The following CADM1 variants were observed in gnomAD, a reference collection of about 807,000 sequenced individuals.
CADM1 encodes the protein cell adhesion molecule 1, also known as TSLC-1.
CADM1 carries 15 observed loss-of-function variants against 53.1 expected under a neutral mutation model. The observed-to-expected ratio is 0.28, with a 90% CI of 0.19 to 0.44. The LOEUF is 0.44. CADM1 is among the 20% of genes least tolerant of loss of function. CADM1 has a pLI of 1.00. For synonymous variants in CADM1, 281 were observed against 243.0 expected (o/e 1.16, Z -1.45); for missense variants, 434 against 611.3 (o/e 0.71, Z 3.06).
At chr11:115,199,084 T>C (rs1330402642) in intron 8 of CADM1, among the ~76,000 whole-genome samples, 3 of 152,186 alleles carry the variant, frequency 2.0e-5, no homozygotes, top group Non-Finnish European at 4.4e-5. Flanking sequence ...TTCAAGGTTT[T>C]CACAGATTAG....
intron 1 of CADM1, among the ~76,000 whole-genome samples, chr11:115,492,957 A>ACC (rs1440459367): frequency 6.6e-6 from 1 of 151,448 alleles, no homozygotes; most frequent in African/African-American, 2.4e-5. Flanking sequence ...ACACACACAC[A>ACC]CACACCCTTG....
intron 1 of CADM1, among the ~76,000 whole-genome samples, chr11:115,275,660 T>C (rs1201028838): frequency 6.6e-6 from 1 of 152,168 alleles, no homozygotes; most frequent in Non-Finnish European, 1.5e-5. Flanking sequence ...ATAAAGGTGT[T>C]TTTAAGAGAT....
At chr11:115,307,916 A>C (rs1944420705) in intron 1 of CADM1, among the ~76,000 whole-genome samples, 1 of 151,852 alleles carries the variant, frequency 6.6e-6, no homozygotes, top group Non-Finnish European at 1.5e-5. Context: ...TTTAAAATCC[A>C]CAACTTCAGT....
At chr11:115,430,292 T>C (rs1213388331) in intron 1 of CADM1, among the ~76,000 whole-genome samples, 2 of 152,250 alleles carry the variant, frequency 1.3e-5, no homozygotes, top group African/African-American at 2.4e-5. Context: ...CCTATAGAGA[T>C]AGCTAACGCT....
intron 1 of CADM1, among the ~76,000 whole-genome samples, chr11:115,243,018 C>G (rs1253928368): frequency 6.6e-6 from 1 of 152,164 alleles, no homozygotes; most frequent in African/African-American, 2.4e-5. Context: ...GGCATGTTGT[C>G]CATGATTTTG....
chr11:115,504,329 G>GGGAGGC lies in CADM1; in HGVS notation c.60_65dup (p.Pro21_Pro22dup). 6.4e-7 allele frequency: 1 copy of GGGAGGC among 1,551,746 alleles called. No homozygotes were observed. Among genetic ancestry groups the GGGAGGC allele is most frequent in the Non-Finnish European group, 8.7e-7 (1 of 1,148,058 alleles). On this transcript the variant is annotated inframe_insertion, in exon 1 of 12. Coordinates refer to ENST00000331581, the MANE Select transcript of CADM1 (RefSeq NM_001301043.2). ...ACAGCAGAAGCCGGAGCCGGAGCCC[G>GGGAGGC]GGAGGCGCCGCCGCCGCCGCTGCCG...
intron 1 of CADM1, among the ~76,000 whole-genome samples, chr11:115,441,442 G>A (rs1460838878): frequency 1.3e-5 from 2 of 152,130 alleles, no homozygotes; most frequent in African/African-American, 4.8e-5. Flanking sequence ...ATTTAATAAT[G>A]ATAACTGTAA....
At chr11:115,393,066 CAA>C (rs758785520) in intron 1 of CADM1, among the ~76,000 whole-genome samples, 27 of 50,228 alleles carry the variant, frequency 5.4e-4, no homozygotes, top group African/African-American at 1.1e-3. Context: ...CCATCTCTTC[CAA>C]AAAAAAAAAA....
intron 1 of CADM1, chr11:115,445,754 G>C: frequency 2.2e-6 from 1 of 453,466 alleles, no homozygotes; most frequent in African/African-American, 2.0e-5. Flanking sequence ...TGAGGTAGAA[G>C]AATCACCTGA....
chr11:115,184,087 T>C (rs1939433779), intron 10 of CADM1, among the ~76,000 whole-genome samples: 1 of 152,288 alleles, frequency 6.6e-6, no homozygotes, highest in East Asian at 1.9e-4. Flanking sequence ...TAGGGATTAG[T>C]CTATTTCAGA....
intron 1 of CADM1, among the ~76,000 whole-genome samples, chr11:115,325,111 C>A (rs1228804742): frequency 6.6e-6 from 1 of 152,134 alleles, no homozygotes; most frequent in African/African-American, 2.4e-5. Flanking sequence ...CATTAGCATC[C>A]CTTAAGTTCT....
intron 3 of CADM1, among the ~76,000 whole-genome samples, chr11:115,235,838 T>G (rs1941991536): frequency 6.6e-6 from 1 of 152,182 alleles, no homozygotes; most frequent in Admixed American, 6.5e-5. Flanking sequence ...CTTAAAGAAG[T>G]GTATTCTCTG....
At chr11:115,296,162 G>A (rs1944073079) in intron 1 of CADM1, among the ~76,000 whole-genome samples, 1 of 152,126 alleles carries the variant, frequency 6.6e-6, no homozygotes, top group Non-Finnish European at 1.5e-5. Flanking sequence ...CGTTGCCCAG[G>A]CTGGTCTTAA....
At chr11:115,194,019 C>T (rs769038645) in intron 9 of CADM1, 13 of 152,108 alleles carry the variant, frequency 8.5e-5, no homozygotes, top group Admixed American at 4.6e-4. Context: ...TGGTTCACGC[C>T]GTTAGACAGT....
chr11:115,329,551 AGAGCACTTTTGG>A (rs1181486080), intron 1 of CADM1, among the ~76,000 whole-genome samples: 1 of 151,996 alleles, frequency 6.6e-6, no homozygotes, highest in Non-Finnish European at 1.5e-5. Flanking sequence ...GGAGCCGGGG[AGAGCACTTTTGG>A]GAGCTGATCC....
chr11:115,303,422 G>C (rs1004185181), intron 1 of CADM1, among the ~76,000 whole-genome samples: 1 of 151,936 alleles, frequency 6.6e-6, no homozygotes, highest in Non-Finnish European at 1.5e-5. Context: ...CACTTATCTG[G>C]TTGTGAAAAT....
At chr11:115,364,086 A>G (rs1946096551) in intron 1 of CADM1, among the ~76,000 whole-genome samples, 1 of 152,124 alleles carries the variant, frequency 6.6e-6, no homozygotes, top group Admixed American at 6.5e-5. Context: ...TTATGATGAC[A>G]TTGCCTAACA....
At chr11:115,290,333 A>T (rs994504523) in intron 1 of CADM1, among the ~76,000 whole-genome samples, 26 of 152,162 alleles carry the variant, frequency 1.7e-4, no homozygotes, top group Admixed American at 6.5e-4. Context: ...TTAGAGAGGA[A>T]AACAGAGCTG....
At chr11:115,310,905 A>T (rs1204165895) in intron 1 of CADM1, among the ~76,000 whole-genome samples, 1 of 152,334 alleles carries the variant, frequency 6.6e-6, no homozygotes, top group East Asian at 1.9e-4. Context: ...GTAACATAAA[A>T]GTCTGTGGCA....
Sources: allele counts gnomAD v4.1 joint callset (sites outside exome capture counted in the v4.1 genomes callset), GRCh38; gene constraint gnomAD v4.1.1; transcripts MANE v1.5; gene names NCBI Gene and HGNC (gene_info 2026-07-23, HGNC 2026-07-21).